The following ELMO3 variants were observed in gnomAD, a reference collection of about 807,000 sequenced individuals.
The protein encoded by ELMO3 is engulfment and cell motility protein 3.
A neutral mutation model predicts 89.0 loss-of-function variants in ELMO3; 81 were observed. That is an observed-to-expected ratio of 0.91 (90% CI 0.76 to 1.09). ELMO3 has a LOEUF of 1.09. ELMO3 is among the 50% of genes least tolerant of loss of function. The pLI is 0.00. For missense variants in ELMO3, 959 were observed against 972.8 expected (o/e 0.99, Z 0.19); for synonymous variants, 406 against 400.6 (o/e 1.01, Z -0.16).
At position 67,203,092 on chromosome 16, in the gene ELMO3, C is replaced by T; in HGVS notation, c.1676-27C>T. The T allele has an allele frequency of 6.3e-7, 1 of 1,595,748 alleles. No individual in the cohort carries two copies. The highest frequency in any genetic ancestry group is 2.3e-5 in the East Asian group (1 of 44,250). ...CTTGGTGTCAGGACCTCTCAGCACTCTGGCCCTCTTCCCTTTCTCCACGCA... is the reference window on the plus strand; with the variant it reads ...CTTGGTGTCAGGACCTCTCAGCACTTTGGCCCTCTTCCCTTTCTCCACGCA... On this transcript the variant is annotated intron_variant, in intron 16 of 19. Transcript: ENST00000393997. This position sits in a 1 kb window ranked among gnomAD's most constrained non-coding sequence, Gnocchi z 4.6.
intron 9 of ELMO3, 34 bp downstream of exon 9, chr16:67,201,469 C>T (rs780564467): frequency 1.2e-6 from 2 of 1,613,858 alleles, no homozygotes; most frequent in African/African-American, 1.3e-5. Context: ...ACCTCTCTGC[C>T]CCTCCCTCCC....
intron 2 of ELMO3, 33 bp downstream of exon 2, chr16:67,199,626 C>T: frequency 6.2e-7 from 1 of 1,608,114 alleles, no homozygotes. Flanking sequence ...CTGCGGAGGG[C>T]GGGAGGGCAG....
In ELMO3 at chr16:67,202,811, C is replaced by A. The variant is rs1049573284; in HGVS notation, c.1562+21C>A. The A allele has an allele frequency of 3.7e-6, 6 of 1,612,296 alleles. No individual in the cohort carries two copies. The African/African-American group carries it at 8.0e-5, about 22-fold the overall frequency. On this transcript the variant is annotated intron_variant, in intron 15 of 19. Transcript: ENST00000393997. ...ATACTGTGAGTCTGGGGGGATGGAT[C>A]CTCAGTCCTAGCCCTACCTTCCTTG...
chr16:67,199,775 G>C lies in ELMO3; in HGVS notation c.192+19G>C, dbSNP rs2033055385. The stretch of plus-strand genomic sequence containing the variant: ...CGAGAATGTGAGTCCCCTCTCCCCA[G>C]CCCCAAGCTCGGCCTTCCGACCCCT... On this transcript the variant is annotated intron_variant, in intron 3 of 19. Coordinates refer to ENST00000393997, the MANE Select transcript of ELMO3 (RefSeq NM_024712.5). 6.2e-7 allele frequency: 1 copy of C among 1,608,316 alleles called. No individual in the cohort carries two copies. The highest frequency in any genetic ancestry group is 1.7e-4 in the Middle Eastern group (1 of 6,060).
Position 67,202,300 on chromosome 16 carries a change from TG to T in ELMO3, c.1261+19del. On this transcript the variant is annotated intron_variant, in intron 13 of 19. Coordinates refer to ENST00000393997, the MANE Select transcript of ELMO3 (RefSeq NM_024712.5). ...GGGGAGCCCTGTGAGTGGCCTGGAC[TG>T]GGCACAGCATGGCCAAGAGCAGGGG... 2 of 1,612,648 alleles carry T rather than the reference TG, an allele frequency of 1.2e-6. No individual in the cohort carries two copies.
intron 5 of ELMO3, 28 bp downstream of exon 5, chr16:67,200,389 G>A (rs775341356): frequency 7.4e-6 from 12 of 1,612,302 alleles, no homozygotes; most frequent in Non-Finnish European, 1.0e-5. Flanking sequence ...TGGGCTGGGG[G>A]AGATGGTGGG....
chr16:67,200,109 T>A (rs867432068), intron 4 of ELMO3, 83 bp from the exon 5 acceptor site: 3 of 1,576,076 alleles, frequency 1.9e-6, no homozygotes, highest in South Asian at 1.2e-5. Flanking sequence ...GCCACCTAGT[T>A]GACGCCCGGG....
Position 67,201,765 on chromosome 16 carries a change from C to T in ELMO3, c.942C>T (p.Val314=), listed in dbSNP as rs775939061. Residue 314 remains valine, a synonymous_variant, in exon 11 of 20, where the codon GTC becomes GTT. Transcript: ENST00000393997. ...YSQEQREQLQ[V]LRQAAFEVEG... ...AGGAGCAGCGGGAGCAGCTGCAGGTCCTACGCCAGGCTGCCTTCGAGGTGG... is the reference window on the plus strand; with the variant it reads ...AGGAGCAGCGGGAGCAGCTGCAGGTTCTACGCCAGGCTGCCTTCGAGGTGG... 3.7e-6 allele frequency: 6 copies of T among 1,611,136 alleles called. No individual in the cohort carries two copies. The highest frequency in any genetic ancestry group is 5.1e-6 in the Non-Finnish European group (6 of 1,180,020).
intron 4 of ELMO3, 91 bp downstream of exon 4, chr16:67,200,092 G>A: frequency 6.4e-7 from 1 of 1,567,336 alleles, no homozygotes; most frequent in Non-Finnish European, 8.6e-7. Context: ...CCCCAGCCCT[G>A]CCTTGCGCCA....
chr16:67,201,903 C>A, intron 11 of ELMO3, 30 bp downstream of exon 11: 2 of 1,603,034 alleles, frequency 1.2e-6, no homozygotes, highest in South Asian at 1.1e-5. Context: ...AACTCCCCAC[C>A]CCTGCCTCAG....
At position 67,199,958 on chromosome 16, in the gene ELMO3, C is replaced by T. The variant is rs1244535255; in HGVS notation, c.200C>T (p.Ala67Val). The change falls in exon 4 of 20, where the codon GCG becomes GTG. Residue 67 changes from alanine (A) to valine (V), a missense_variant. By Grantham distance (64) the Ala-to-Val change is moderately conservative. Transcript: ENST00000393997. The stretch of plus-strand genomic sequence containing the variant: ...TTCTGCTGTCTTCTCCAGAACCGCG[C>T]GGAGATCAAGAATGGCAGCATCCTG... ...HRRYITENNRAEIKNGSILCL... is the reference protein window; with the variant it reads ...HRRYITENNRVEIKNGSILCL... 2.5e-6 allele frequency: 4 copies of T among 1,613,948 alleles called. No individual in the cohort carries two copies. The East Asian group carries it at 6.7e-5, about 27-fold the overall frequency.
chr16:67,201,569 T>G lies in ELMO3; in HGVS notation c.845T>G (p.Leu282Arg), dbSNP rs371124873. The change falls in exon 10 of 20, where the codon CTG becomes CGG. Residue 282 changes from leucine (L) to arginine (R), a missense_variant. By Grantham distance (102) the Leu-to-Arg change is moderately radical. Coordinates refer to ENST00000393997, the MANE Select transcript of ELMO3 (RefSeq NM_024712.5). ...ATGGGCGACGAGATGGCTCATCACCTGTACGTACTGCAGGCTCTCATGCTG... is the reference window on the plus strand; with the variant it reads ...ATGGGCGACGAGATGGCTCATCACCGGTACGTACTGCAGGCTCTCATGCTG... ...APMGDEMAHH[L>R]YVLQALMLGL... is the part of the protein sequence containing the mutation. 45 of 1,613,906 alleles carry G rather than the reference T, an allele frequency of 2.8e-5. No individual in the cohort carries two copies. The highest frequency in any genetic ancestry group is 1.6e-4 in the Middle Eastern group (1 of 6,084).
At chr16:67,199,854 A>G (rs2033057385) in intron 3 of ELMO3, 97 bp from the exon 4 acceptor site, 14 of 1,605,216 alleles carry the variant, frequency 8.7e-6, no homozygotes, top group Middle Eastern at 1.6e-4. Flanking sequence ...CCGGAGCGCG[A>G]TCTGTTATTC....
chr16:67,201,134 C>T (rs1351771276), intron 8 of ELMO3, among the ~76,000 whole-genome samples, 166 bp downstream of exon 8: 8 of 151,708 alleles, frequency 5.3e-5, no homozygotes, highest in Non-Finnish European at 1.2e-4. Context: ...CAAGCTCTGC[C>T]TCCCGGGTTC....
chr16:67,199,568 G>T lies in ELMO3; in HGVS notation c.94G>T (p.Ala32Ser), dbSNP rs1219587951. The change falls in exon 2 of 20, where the codon GCT (alanine) becomes TCT (serine). Residue 32 changes from alanine to serine, a missense_variant. Coordinates refer to ENST00000393997, the MANE Select transcript of ELMO3 (RefSeq NM_024712.5). ...CCACTTGCAGGCGAAGCCCCTGGCCGCTGTGCTGAAGGAGGTGTGCGACGC... is the reference window on the plus strand; with the variant it reads ...CCACTTGCAGGCGAAGCCCCTGGCCTCTGTGCTGAAGGAGGTGTGCGACGC... ...IQLDQAKPLA[A>S]VLKEVCDAWS... The T allele has an allele frequency of 6.2e-7, 1 of 1,603,252 alleles. No individual in the cohort carries two copies. The highest frequency in any genetic ancestry group is 1.7e-5 in the Admixed American group (1 of 59,488).
In ELMO3 at chr16:67,201,378, C is replaced by T. The variant is rs752183129; in HGVS notation, c.745-7C>T. On this transcript the variant is annotated splice_region_variant and splice_polypyrimidine_tract_variant and intron_variant, in intron 8 of 19. Coordinates refer to ENST00000393997, the MANE Select transcript of ELMO3 (RefSeq NM_024712.5). ...AGCCTAAGCCCCCTTTCTTTCTACC[C>T]CCTCAGCACATGCTTGACTATCTTT... The T allele has an allele frequency of 3.1e-6, 5 of 1,613,808 alleles. No individual in the cohort carries two copies. The highest frequency in any genetic ancestry group is 2.7e-5 in the African/African-American group (2 of 74,894).
intron 10 of ELMO3, 21 bp from the exon 11 acceptor site, chr16:67,201,721 G>A (rs187434892): frequency 2.4e-5 from 38 of 1,607,972 alleles, no homozygotes; most frequent in South Asian, 1.1e-4. Context: ...CCCCTCCCCC[G>A]CCACCCAACA....
Position 67,203,027 on chromosome 16 carries a change from G to GGGGCAGAGGGCAGGCAGAGGGC in ELMO3, c.1675+24_1675+45dup, listed in dbSNP as rs1555555385. On this transcript the variant is annotated intron_variant, in intron 16 of 19. Coordinates refer to ENST00000393997, the MANE Select transcript of ELMO3 (RefSeq NM_024712.5). This position sits in a 1 kb window ranked among gnomAD's most constrained non-coding sequence, Gnocchi z 4.6. ...AGGGTCTCTGAATGGGCATGGGCAG[G>GGGGCAGAGGGCAGGCAGAGGGC]GGGCAGAGGGCAGGCAGAGGGCAGG... The GGGGCAGAGGGCAGGCAGAGGGC allele has an allele frequency of 6.2e-7, 1 of 1,603,634 alleles. No homozygotes were observed. Among genetic ancestry groups the GGGGCAGAGGGCAGGCAGAGGGC allele is most frequent in the Non-Finnish European group, 8.5e-7 (1 of 1,178,774 alleles).
Position 67,199,570 on chromosome 16 carries a change from T to A in ELMO3, c.96T>A (p.Ala32=). The A allele has an allele frequency of 6.2e-7, 1 of 1,605,408 alleles. No individual in the cohort carries two copies. The highest frequency in any genetic ancestry group is 8.5e-7 in the Non-Finnish European group (1 of 1,177,822). ...ACTTGCAGGCGAAGCCCCTGGCCGC[T>A]GTGCTGAAGGAGGTGTGCGACGCGT... ...IQLDQAKPLA[A]VLKEVCDAWS... The change falls in exon 2 of 20, where the codon GCT becomes GCA. Residue 32 remains alanine (A), a synonymous_variant. Transcript: ENST00000393997.
Sources: gnomAD v4.1 joint callset for allele counts (sites outside exome capture counted in the v4.1 genomes callset) on GRCh38, gnomAD v4.1.1 for gene constraint, Gnocchi (gnomAD v3.1) non-coding constraint, MANE v1.5 for transcripts, NCBI Gene and HGNC (gene_info 2026-07-23, HGNC 2026-07-21) for gene names.